The following GNAO1 variants were observed in gnomAD, a reference collection of about 807,000 sequenced individuals.
GNAO1 encodes guanine nucleotide-binding protein G(o) subunit alpha.
For missense variants in GNAO1, 166 were observed against 478.7 expected, an observed-to-expected ratio of 0.35 and a Z score of 6.10; for synonymous variants, 164 against 180.7, an observed-to-expected ratio of 0.91 and a Z score of 0.74.
chr16:56,207,344 T>TA (rs2036339701), intron 2 of GNAO1, among the ~76,000 whole-genome samples: 1 of 151,980 alleles, frequency 6.6e-6, no homozygotes, highest in Admixed American at 6.6e-5. Context: ...CTGTGAGGAG[T>TA]AAGTGAGATA....
At chr16:56,334,879 A>G (rs368802772) in intron 5 of GNAO1, 22 bp downstream of exon 5, 23 of 1,613,138 alleles carry the variant, frequency 1.4e-5, no homozygotes, top group African/African-American at 1.3e-5. Flanking sequence ...AGAGGCCCCC[A>G]GGCCCTGGCG....
chr16:56,300,402 A>T (rs2037333529), intron 3 of GNAO1, among the ~76,000 whole-genome samples: 1 of 152,246 alleles, frequency 6.6e-6, no homozygotes, highest in South Asian at 2.1e-4. Flanking sequence ...GCAGCTCACC[A>T]CGGCCAACTG....
chr16:56,350,943 A>T (rs772474938), intron 6 of GNAO1, among the ~76,000 whole-genome samples: 2 of 151,742 alleles, frequency 1.3e-5, no homozygotes, highest in Non-Finnish European at 2.9e-5. Flanking sequence ...AAGCACATGG[A>T]TGCACACAGG....
At chr16:56,223,171 A>AG (rs1365226199) in intron 2 of GNAO1, among the ~76,000 whole-genome samples, 3 of 152,162 alleles carry the variant, frequency 2.0e-5, no homozygotes, top group Non-Finnish European at 4.4e-5. Flanking sequence ...TGGGGCTTCT[A>AG]GGGGGGAGAA....
At chr16:56,281,723 C>T (rs2037116349) in intron 3 of GNAO1, among the ~76,000 whole-genome samples, 2 of 152,166 alleles carry the variant, frequency 1.3e-5, no homozygotes, top group African/African-American at 4.8e-5. Flanking sequence ...CCTACATCTG[C>T]ATCACAAAAG....
intron 6 of GNAO1, among the ~76,000 whole-genome samples, chr16:56,350,533 G>A (rs569184287): frequency 1.6e-4 from 24 of 152,326 alleles, no homozygotes; most frequent in Admixed American, 1.0e-3. Flanking sequence ...TCTGTGGGGC[G>A]CCCATCACGT....
rs1054258027 is a variant in GNAO1 at position 56,356,227 on chromosome 16, G to T, written c.*153G>T. 1 of 152,564 alleles carries T rather than the reference G, an allele frequency of 6.6e-6. No individual in the cohort carries two copies. The highest frequency in any genetic ancestry group is 2.4e-5 in the African/African-American group (1 of 41,408). 9.5% of individuals were successfully genotyped at this position (152,564 alleles called of 1,614,324 possible). ...AACCTACGACCCCAGAGTGACTGAC[G>T]GCTGTGTATTTCTGTAGAATGCTGT... On this transcript the variant is annotated 3_prime_UTR_variant, in exon 9 of 9. Transcript: ENST00000262493.
intron 3 of GNAO1, among the ~76,000 whole-genome samples, chr16:56,318,414 G>C (rs1373936722): frequency 6.6e-6 from 1 of 152,242 alleles, no homozygotes; most frequent in Admixed American, 6.5e-5. Flanking sequence ...TGGCCGCCGG[G>C]CCCGGCCCTG....
intron 6 of GNAO1, chr16:56,344,703 G>A (rs761564582): frequency 1.5e-5 from 15 of 985,534 alleles, no homozygotes; most frequent in Non-Finnish European, 1.8e-5. Flanking sequence ...TGTGTCACCT[G>A]GGCTGGGGCC....
At position 56,328,738 on chromosome 16, in the gene GNAO1, C is replaced by G; in HGVS notation, c.411C>G (p.Ile137Met). The change falls in exon 4 of 9, where the codon ATC becomes ATG. Residue 137 changes from isoleucine to methionine, a missense_variant. Physicochemically the swap from Ile to Met is conservative, Grantham distance 10. Coordinates refer to ENST00000262493, the MANE Select transcript of GNAO1 (RefSeq NM_020988.3). ...AMMRLWGDSGIQECFNRSREY... is the reference protein window; with the variant it reads ...AMMRLWGDSGMQECFNRSREY... ...TGCGGCTCTGGGGCGACTCAGGAAT[C>G]CAAGAGTGCTTCAACCGGTCCCGGG... 6.2e-7 allele frequency: 1 copy of G among 1,614,256 alleles called. No individual in the cohort carries two copies. The highest frequency in any genetic ancestry group is 8.5e-7 in the Non-Finnish European group (1 of 1,180,044).
chr16:56,300,048 C>T lies in GNAO1; in HGVS notation c.303+23976C>T, dbSNP rs548684984. On this transcript the variant is annotated intron_variant, in intron 3 of 8. Transcript: ENST00000262493. The stretch of plus-strand genomic sequence containing the variant: ...GTGTGTGTGTGTGTGCGCGCGCGCG[C>T]GCGCACGCACATGTGCTTGTGAGTG... 1.7e-3 allele frequency among the ~76,000 whole-genome samples: 75 copies of T among 43,292 alleles called. 1 individual carries two copies. Among genetic ancestry groups the T allele is most frequent in the Admixed American group, 8.1e-3 (28 of 3,440 alleles). The allele number at this position is 43,292 out of a possible 152,430, so 28.4% of individuals were successfully genotyped here.
At chr16:56,251,896 G>A (rs547346209) in intron 2 of GNAO1, among the ~76,000 whole-genome samples, 8 of 152,254 alleles carry the variant, frequency 5.3e-5, no homozygotes, top group African/African-American at 1.7e-4. Context: ...AAGCACCCCT[G>A]TTAGATTTCC....
chr16:56,344,490 G>A (rs574646315), intron 6 of GNAO1: 26 of 989,866 alleles, frequency 2.6e-5, no homozygotes, highest in African/African-American at 8.7e-5. Context: ...GATGGCCTCC[G>A]TCTCCCTGCT....
chr16:56,191,857 C>A lies in GNAO1; in HGVS notation c.-379C>A. 5.4e-6 allele frequency: 1 copy of A among 186,876 alleles called. No individual in the cohort carries two copies. Among genetic ancestry groups the A allele is most frequent in the Non-Finnish European group, 1.1e-5 (1 of 91,386 alleles). 11.6% of individuals were successfully genotyped at this position (186,876 alleles called of 1,614,324 possible). ...CCCTGCCCCCCACCCCACCCTCTGT[C>A]GGCTCCGGCTGCGGCTCCAGCCTCG... On this transcript the variant is annotated 5_prime_UTR_variant, in exon 1 of 9. Transcript: ENST00000262493. This position sits in a 1 kb window ranked among gnomAD's most constrained non-coding sequence, Gnocchi z 4.7.
intron 6 of GNAO1, chr16:56,348,325 T>G (rs1423880305): frequency 1.1e-5 from 3 of 275,396 alleles, no homozygotes; most frequent in Non-Finnish European, 1.7e-5. Context: ...GTGGGCACAC[T>G]CCTGCTGGGG....
chr16:56,218,383 G>A (rs1287086692), intron 2 of GNAO1, among the ~76,000 whole-genome samples: 1 of 152,212 alleles, frequency 6.6e-6, no homozygotes, highest in Non-Finnish European at 1.5e-5. Context: ...GGGATGTTGA[G>A]GTGACAGTAT....
chr16:56,207,299 CA>C (rs1193710230), intron 2 of GNAO1, among the ~76,000 whole-genome samples: 1 of 151,894 alleles, frequency 6.6e-6, no homozygotes, highest in Non-Finnish European at 1.5e-5. Flanking sequence ...AAGAAAAGAC[CA>C]AAAAAATAAA....
intron 2 of GNAO1, among the ~76,000 whole-genome samples, chr16:56,226,935 G>T (rs939104341): frequency 2.0e-5 from 3 of 152,152 alleles, no homozygotes; most frequent in Non-Finnish European, 2.9e-5. Context: ...ACATTTTTGG[G>T]ATTTAAAAGG....
chr16:56,242,275 C>T (rs1332649247), intron 2 of GNAO1, among the ~76,000 whole-genome samples: 1 of 152,074 alleles, frequency 6.6e-6, no homozygotes, highest in Non-Finnish European at 1.5e-5. Flanking sequence ...TGAACATAAT[C>T]CCTATCAAAA....
Sources: allele counts gnomAD v4.1 joint callset (sites outside exome capture counted in the v4.1 genomes callset), GRCh38; gene constraint gnomAD v4.1.1; non-coding constraint Gnocchi (gnomAD v3.1); transcripts MANE v1.5; gene names NCBI Gene and HGNC (gene_info 2026-07-23, HGNC 2026-07-21).